GLI4: variants seen among roughly 807,000 people sequenced by gnomAD.
The protein encoded by GLI4 is zinc finger protein GLI4.
GLI4 carries 34 observed loss-of-function variants against 30.9 expected under a neutral mutation model. The ratio of observed to expected loss-of-function variants is 1.10; its 90% CI spans 0.84 to 1.47. GLI4 has a LOEUF of 1.47. Among genes scored for constraint, GLI4 ranks in the 40% most tolerant of loss-of-function variants. GLI4 has a pLI of 0.00. For missense variants in GLI4, 696 were observed against 538.9 expected (o/e 1.29, Z -2.89); for synonymous variants, 277 against 236.7 (o/e 1.17, Z -1.56).
At chr8:143,274,886 C>T in intron 3 of GLI4, 84 bp downstream of exon 3, 2 of 1,499,168 alleles carry the variant, frequency 1.3e-6, no homozygotes, top group Non-Finnish European at 1.8e-6. Flanking sequence ...GTGGCACCCC[C>T]AATGCTGGCA....
At chr8:143,270,834 C>T (rs1490025242) in intron 2 of GLI4, among the ~76,000 whole-genome samples, 1 of 152,198 alleles carries the variant, frequency 6.6e-6, no homozygotes, top group Non-Finnish European at 1.5e-5. Flanking sequence ...GGGCACAGCC[C>T]AGCAGATCAT....
chr8:143,269,733 G>A (rs1286328467), intron 2 of GLI4, among the ~76,000 whole-genome samples: 1 of 152,246 alleles, frequency 6.6e-6, no homozygotes, highest in African/African-American at 2.4e-5. Flanking sequence ...CTGGGGCCAA[G>A]CCTGAGCTCT....
chr8:143,268,448 G>T (rs1172977744), intron 1 of GLI4, among the ~76,000 whole-genome samples: 3 of 152,240 alleles, frequency 2.0e-5, no homozygotes, highest in Non-Finnish European at 4.4e-5. Flanking sequence ...GTGTCTTGGA[G>T]CCCTGAGTGA....
At chr8:143,270,452 C>G (rs1339043488) in intron 2 of GLI4, among the ~76,000 whole-genome samples, 1 of 152,228 alleles carries the variant, frequency 6.6e-6, no homozygotes, top group Non-Finnish European at 1.5e-5. Context: ...CTGCGGTGTC[C>G]CGAGCAACTC....
At position 143,276,667 on chromosome 8, in the gene GLI4, T is replaced by C; in HGVS notation, c.994T>C (p.Phe332Leu). ...CGAGTGCTCCGACTGCGGCAAAGCC[T>C]TCCGCGGCCGCTCGCACTTCTTCCG... The part of the protein sequence containing the change: ...PYECSDCGKA[F>L]RGRSHFFRHL... Residue 332 changes from phenylalanine to leucine, a missense_variant, in exon 4 of 4, where the codon TTC becomes CTC. Phe to Leu is a conservative substitution (Grantham distance 22). Transcript: ENST00000340042. 1.2e-6 allele frequency: 2 copies of C among 1,611,944 alleles called. No individual in the cohort carries two copies. Among genetic ancestry groups the C allele is most frequent in the Middle Eastern group, 1.6e-4 (1 of 6,062 alleles).
chr8:143,276,428 C>T lies in GLI4; in HGVS notation c.755C>T (p.Ser252Leu). Residue 252 changes from serine to leucine, a missense_variant, in exon 4 of 4, where the codon TCG (serine) becomes TTG (leucine). Physicochemically the swap from Ser to Leu is moderately radical, Grantham distance 145. Transcript: ENST00000340042. ...GQCGRAFSHS[S>L]HFTQHLRIHN... Reference sequence around the variant, plus strand: ...TGCGGCCGCGCCTTCAGCCACAGCTCGCACTTCACGCAGCACCTGCGCATC... The same window carrying T: ...TGCGGCCGCGCCTTCAGCCACAGCTTGCACTTCACGCAGCACCTGCGCATC... The T allele has an allele frequency of 6.2e-7, 1 of 1,612,756 alleles. No homozygotes were observed. The highest frequency in any genetic ancestry group is 8.5e-7 in the Non-Finnish European group (1 of 1,179,754).
chr8:143,272,782 C>T (rs1397718713), intron 2 of GLI4, among the ~76,000 whole-genome samples: 1 of 152,154 alleles, frequency 6.6e-6, no homozygotes, highest in African/African-American at 2.4e-5. Flanking sequence ...TAGGCCACCC[C>T]CATCCTCCCC....
At chr8:143,275,849 C>T (rs1376446565) in intron 3 of GLI4, 48 bp from the exon 4 acceptor site, 5 of 1,256,822 alleles carry the variant, frequency 4.0e-6, no homozygotes, top group Admixed American at 4.2e-5. Context: ...CTCCGTGCCA[C>T]GGTGGGGGCA....
Position 143,276,852 on chromosome 8 carries a change from C to T in GLI4, c.*48C>T. 2 of 1,205,670 alleles carry T rather than the reference C, an allele frequency of 1.7e-6. No individual in the cohort carries two copies. The highest frequency in any genetic ancestry group is 1.5e-5 in the South Asian group (1 of 67,116). The allele number at this position is 1,205,670 out of a possible 1,614,324, so 74.7% of individuals were successfully genotyped here. A position where few individuals can be genotyped will look rare whatever the true frequency, so the allele number is the denominator to read the frequency against. On this transcript the variant is annotated 3_prime_UTR_variant, in exon 4 of 4. Transcript: ENST00000340042. ...GCCTCCTACCTGCCCCCAACCCACCCTCCACCCCGTCCCCCACGGTGGGCA... is the reference window on the plus strand; with the variant it reads ...GCCTCCTACCTGCCCCCAACCCACCTTCCACCCCGTCCCCCACGGTGGGCA...
chr8:143,274,668 A>G (rs1011908970), intron 2 of GLI4, 36 bp from the exon 3 acceptor site: 1 of 1,523,290 alleles, frequency 6.6e-7, no homozygotes, highest in East Asian at 2.5e-5. Flanking sequence ...AGTGGTCCAG[A>G]GGGTGGAGGT....
chr8:143,269,155 T>C (rs999083158), intron 1 of GLI4, among the ~76,000 whole-genome samples: 9 of 152,134 alleles, frequency 5.9e-5, no homozygotes, highest in African/African-American at 2.2e-4. Context: ...CAAAGCGTTA[T>C]TCCTTACTGA....
At chr8:143,274,592 G>A (rs1306099349) in intron 2 of GLI4, 112 bp from the exon 3 acceptor site, 4 of 1,069,306 alleles carry the variant, frequency 3.7e-6, no homozygotes, top group Non-Finnish European at 5.1e-6. Flanking sequence ...GATTGGGAGG[G>A]CCAGGAGGTG....
chr8:143,275,055 C>A, intron 3 of GLI4: 1 of 1,533,628 alleles, frequency 6.5e-7, no homozygotes, highest in East Asian at 2.4e-5. Context: ...GGACTCCTGC[C>A]GGCCCCAGCT....
intron 3 of GLI4, chr8:143,275,435 C>T (rs1482262406): frequency 1.5e-6 from 2 of 1,366,830 alleles, no homozygotes; most frequent in South Asian, 1.9e-5. Flanking sequence ...GGGAGCTGGG[C>T]GGCAGCACAC....
In GLI4 at chr8:143,276,000, C is replaced by A; in HGVS notation, c.327C>A (p.Arg109=). ...GCAGCCTCCTGAGGAGCCTTCCCCG[C>A]AGGGCCCGGTGCAGCGCCGGCTTCG... The part of the protein sequence containing the change: ...ALRSLLRSLP[R]RARCSAGFGP... The change falls in exon 4 of 4, where the codon CGC becomes CGA. Residue 109 remains arginine (R), a synonymous_variant. Coordinates refer to ENST00000340042, the MANE Select transcript of GLI4 (RefSeq NM_138465.4). 1 of 1,409,142 alleles carries A rather than the reference C, an allele frequency of 7.1e-7. No individual in the cohort carries two copies. The highest frequency in any genetic ancestry group is 9.2e-7 in the Non-Finnish European group (1 of 1,084,334). The allele number at this position is 1,409,142 out of a possible 1,614,324, so 87.3% of individuals were successfully genotyped here.
At chr8:143,275,108 T>G (rs1201693943) in intron 3 of GLI4, 1 of 1,535,682 alleles carries the variant, frequency 6.5e-7, no homozygotes, top group Admixed American at 2.0e-5. Context: ...TCCACCTGCC[T>G]TGGGCTGGGG....
chr8:143,274,519 G>A, intron 2 of GLI4, 185 bp from the exon 3 acceptor site: 2 of 469,326 alleles, frequency 4.3e-6, no homozygotes, highest in Non-Finnish European at 3.6e-6. Flanking sequence ...CTTGAACCGA[G>A]CTGGGAAGGA....
At chr8:143,267,877 C>A in intron 1 of GLI4, 3 of 985,458 alleles carry the variant, frequency 3.0e-6, no homozygotes, top group Non-Finnish European at 3.6e-6. Context: ...TGCCGAGCTC[C>A]CGGCGATTGG....
rs753682013 is a variant in GLI4, at chr8:143,276,391, GAGTGCGGCC to G, written c.728_736del (p.Gln243_Gly245del). ...CATCCACACGGGCGAGAAGCCCTAC[GAGTGCGGCC>G]AGTGCGGCCGCGCCTTCAGCCACAG... On this transcript the variant is annotated inframe_deletion, in exon 4 of 4. Transcript: ENST00000340042. The G allele has an allele frequency of 9.3e-6, 15 of 1,612,432 alleles. No individual in the cohort carries two copies. In the Admixed American group the frequency reaches 2.0e-4, roughly 22 times the overall value.
Sources: gnomAD v4.1 joint callset for allele counts (sites outside exome capture counted in the v4.1 genomes callset) on GRCh38, gnomAD v4.1.1 for gene constraint, MANE v1.5 for transcripts, NCBI Gene and HGNC (gene_info 2026-07-23, HGNC 2026-07-21) for gene names.